ZFYVE28: variants seen among roughly 807,000 people sequenced by gnomAD.
ZFYVE28 encodes the protein zinc finger FYVE-type containing 28.
A neutral mutation model predicts 82.1 loss-of-function variants in ZFYVE28; 40 were observed. The ratio of observed to expected loss-of-function variants is 0.49; its 90% CI spans 0.38 to 0.63. ZFYVE28 has a LOEUF of 0.63. Among genes scored for constraint, ZFYVE28 ranks in the 30% least tolerant of loss-of-function variants. ZFYVE28 has a pLI of 0.00. For missense variants in ZFYVE28, 1,321 were observed against 1,242.1 expected (o/e 1.06, Z -0.96); for synonymous variants, 612 against 546.1 (o/e 1.12, Z -1.68).
intron 1 of ZFYVE28, among the ~76,000 whole-genome samples, chr4:2,378,676 C>A (rs865882121): frequency 3.9e-5 from 6 of 152,202 alleles, no homozygotes; most frequent in African/African-American, 1.4e-4. Flanking sequence ...AGCACCCTGT[C>A]ATTTCCTCTG....
intron 6 of ZFYVE28, among the ~76,000 whole-genome samples, chr4:2,334,639 C>G (rs1721294537): frequency 6.6e-6 from 1 of 151,490 alleles, no homozygotes; most frequent in Non-Finnish European, 1.5e-5. Flanking sequence ...ACTCCCCGAC[C>G]ACTTCACTGA....
intron 1 of ZFYVE28, among the ~76,000 whole-genome samples, chr4:2,370,869 C>T (rs1288935872): frequency 6.6e-6 from 1 of 152,206 alleles, no homozygotes; most frequent in Non-Finnish European, 1.5e-5. Context: ...GCACCCAACC[C>T]TGCCACGTCC....
chr4:2,273,368 A>C (rs1007490845), intron 9 of ZFYVE28, 79 bp from the exon 10 acceptor site: 4 of 1,250,482 alleles, frequency 3.2e-6, no homozygotes, highest in Non-Finnish European at 4.5e-6. Flanking sequence ...CGGGCTGGGC[A>C]GACCCAGCCA....
intron 7 of ZFYVE28, among the ~76,000 whole-genome samples, chr4:2,319,373 A>G (rs996022336): frequency 1.2e-4 from 18 of 152,176 alleles, no homozygotes; most frequent in Non-Finnish European, 2.4e-4. Flanking sequence ...CAAGGCCCCA[A>G]GAGCTCACAA....
At position 2,408,016 on chromosome 4, in the gene ZFYVE28, G is replaced by C. The variant is rs569451862; in HGVS notation, c.39+10269C>G. 1.3e-5 allele frequency among the ~76,000 whole-genome samples: 2 copies of C among 152,264 alleles called. No individual in the cohort carries two copies. The highest frequency in any genetic ancestry group is 4.2e-4 in the South Asian group (2 of 4,816). ...CTATGAACTCCACTTCAGAGGTGTG[G>C]CAGGAGGGCTCCTCCAGAACACCAT... On this transcript the variant is annotated intron_variant, in intron 1 of 12. Transcript: ENST00000290974. The surrounding 1 kb of genome is among the most constrained non-coding windows in gnomAD (Gnocchi z 4.3).
At position 2,305,113 on chromosome 4, in the gene ZFYVE28, C is replaced by T. The variant is rs749824134; in HGVS notation, c.1227G>A (p.Thr409=). 8 of 1,597,750 alleles carry T rather than the reference C, an allele frequency of 5.0e-6. No homozygotes were observed. The highest frequency in any genetic ancestry group is 1.7e-5 in the Admixed American group (1 of 59,156). The change falls in exon 8 of 13, where the codon ACG becomes ACA. Residue 409 remains threonine (T), a synonymous_variant. Transcript: ENST00000290974. ...RVFFMDDVEG[T]AEALARPESP... ...ACTCGGGCCTGGCCAGGGCTTCTGC[C>T]GTCCCCTCCACGTCATCCATGAAGA...
intron 7 of ZFYVE28, among the ~76,000 whole-genome samples, chr4:2,313,849 A>AG (rs35032098): frequency 5.6e-5 from 5 of 88,686 alleles, no homozygotes; most frequent in African/African-American, 2.2e-4. Flanking sequence ...ACTCTGTCTC[A>AG]AAAAAAAAAA....
intron 7 of ZFYVE28, among the ~76,000 whole-genome samples, chr4:2,313,183 T>C (rs1450660632): frequency 1.3e-5 from 2 of 151,906 alleles, no homozygotes; most frequent in Non-Finnish European, 2.9e-5. Flanking sequence ...CTTTCTGTCT[T>C]TGAGGTTCAC....
chr4:2,342,694 G>A (rs1468947613), intron 2 of ZFYVE28: 2 of 152,204 alleles, frequency 1.3e-5, no homozygotes, highest in African/African-American at 4.8e-5. Flanking sequence ...ATCTTAAATT[G>A]CATTCCATCC....
chr4:2,316,136 A>G (rs79268955), intron 7 of ZFYVE28: 1,925 of 152,572 alleles, frequency 0.013, 22 homozygotes, highest in Non-Finnish European at 0.02. Flanking sequence ...TAGCTTTAGA[A>G]TGTCATTTTT....
At chr4:2,273,989 C>A in intron 9 of ZFYVE28, 73 bp downstream of exon 9, 1 of 1,547,238 alleles carries the variant, frequency 6.5e-7, no homozygotes. Context: ...TGTACACGCC[C>A]CGCCTGACCT....
chr4:2,399,038 G>GATCCAGGGCACAAGCGTGGAGGTGAA (rs1730838250), intron 1 of ZFYVE28, among the ~76,000 whole-genome samples: 1 of 143,650 alleles, frequency 7.0e-6, no homozygotes, highest in Non-Finnish European at 1.5e-5. Flanking sequence ...GGTGGGGTGA[G>GATCCAGGGCACAAGCGTGGAGGTGAA]ATCCAGGGCA....
chr4:2,304,237 C>T (rs1716121976), intron 8 of ZFYVE28, 52 bp downstream of exon 8: 2 of 1,501,358 alleles, frequency 1.3e-6, no homozygotes, highest in Non-Finnish European at 1.8e-6. Context: ...CCAGCACCTG[C>T]CCCCCAGTGC....
chr4:2,271,033 G>A (rs568044186), intron 12 of ZFYVE28, 177 bp from the exon 13 acceptor site: 19 of 932,768 alleles, frequency 2.0e-5, no homozygotes, highest in South Asian at 1.0e-4. Context: ...AGGGGTCCAC[G>A]TCCTGCACCA....
chr4:2,399,366 C>T (rs143442528), intron 1 of ZFYVE28, among the ~76,000 whole-genome samples: 1 of 152,304 alleles, frequency 6.6e-6, no homozygotes, highest in African/African-American at 2.4e-5. Context: ...GAAATCTCTG[C>T]CCCTCTTTGC....
chr4:2,303,692 C>A (rs370340097), intron 8 of ZFYVE28, among the ~76,000 whole-genome samples: 32 of 152,094 alleles, frequency 2.1e-4, no homozygotes, highest in African/African-American at 7.2e-4. Context: ...CAGTGCAGGG[C>A]AAGGAGGAGA....
At chr4:2,316,694 T>A (rs1332476372) in intron 7 of ZFYVE28, among the ~76,000 whole-genome samples, 2 of 115,442 alleles carry the variant, frequency 1.7e-5, no homozygotes, top group Non-Finnish European at 4.0e-5. Context: ...TATTTTCTTG[T>A]CTCTCTTTTT....
rs1052859232 is a variant in ZFYVE28, at chr4:2,297,079, C to T, written c.2051+7210G>A. Among the ~76,000 whole-genome samples, 5 of 152,202 alleles carry T rather than the reference C, an allele frequency of 3.3e-5. No homozygotes were observed. The South Asian group carries it at 8.3e-4, about 25-fold the overall frequency. ...AACACCTGTCTGCTGGTGGGAAAGC[C>T]GAATGGTGGATGTGGGAACGAAGCA... On this transcript the variant is annotated intron_variant, in intron 8 of 12. Coordinates refer to ENST00000290974, the MANE Select transcript of ZFYVE28 (RefSeq NM_020972.3).
chr4:2,363,383 G>A (rs1314269542), intron 1 of ZFYVE28, among the ~76,000 whole-genome samples: 1 of 152,110 alleles, frequency 6.6e-6, no homozygotes, highest in African/African-American at 2.4e-5. Flanking sequence ...ACCCTCCCAG[G>A]GACTGTAACA....
Sources: allele counts gnomAD v4.1 joint callset (sites outside exome capture counted in the v4.1 genomes callset), GRCh38; gene constraint gnomAD v4.1.1; non-coding constraint Gnocchi (gnomAD v3.1); transcripts MANE v1.5; gene names NCBI Gene and HGNC (gene_info 2026-07-23, HGNC 2026-07-21).